PRMT3: variants seen among roughly 807,000 people sequenced by gnomAD.
The protein encoded by PRMT3 is protein arginine N-methyltransferase 3.
A neutral mutation model predicts 71.9 loss-of-function variants in PRMT3; 62 were observed. The observed-to-expected ratio is 0.86, with a 90% CI of 0.70 to 1.07. PRMT3 has a LOEUF of 1.07. Ranked by LOEUF, PRMT3 falls within the 50% of genes least tolerant of loss-of-function variation. The pLI is 0.00. For missense variants in PRMT3, 663 were observed against 643.0 expected (o/e 1.03, Z -0.34); for synonymous variants, 213 against 220.4 (o/e 0.97, Z 0.30).
intron 3 of PRMT3, 117 bp from the exon 4 acceptor site, chr11:20,392,091 AAGT>A (rs1848727425): frequency 4.5e-6 from 4 of 893,706 alleles, no homozygotes; most frequent in Non-Finnish European, 6.7e-6. Flanking sequence ...TTCAAAATAT[AAGT>A]AGTAATTTAG....
intron 13 of PRMT3, among the ~76,000 whole-genome samples, chr11:20,483,869 A>G (rs1467048790): frequency 6.6e-6 from 1 of 152,138 alleles, no homozygotes; most frequent in South Asian, 2.1e-4. Context: ...CTAATACCAT[A>G]TGTATTGTAT....
chr11:20,483,511 G>A (rs147534081), intron 13 of PRMT3, among the ~76,000 whole-genome samples: 2 of 149,244 alleles, frequency 1.3e-5, no homozygotes, highest in Non-Finnish European at 3.0e-5. Flanking sequence ...GAGAAATCTA[G>A]AGAAGCAGTG....
chr11:20,459,982 C>T (rs570914531), intron 11 of PRMT3, among the ~76,000 whole-genome samples: 1 of 152,304 alleles, frequency 6.6e-6, no homozygotes, highest in Admixed American at 6.5e-5. Flanking sequence ...ATACATCCCT[C>T]ACATGCCTAT....
At chr11:20,455,024 A>G (rs2133391395) in intron 11 of PRMT3, among the ~76,000 whole-genome samples, 1 of 152,280 alleles carries the variant, frequency 6.6e-6, no homozygotes, top group Non-Finnish European at 1.5e-5. Context: ...TTTACTAGCA[A>G]CGATTTCTAC....
At chr11:20,471,900 T>C (rs1381202114) in intron 13 of PRMT3, among the ~76,000 whole-genome samples, 1 of 152,204 alleles carries the variant, frequency 6.6e-6, no homozygotes, top group African/African-American at 2.4e-5. Flanking sequence ...GCAGTTCTCC[T>C]TGAAGAGGTC....
chr11:20,488,042 G>T (rs891946506), intron 13 of PRMT3, among the ~76,000 whole-genome samples: 2 of 151,936 alleles, frequency 1.3e-5, no homozygotes, highest in African/African-American at 2.4e-5. Flanking sequence ...ACTCAATCTG[G>T]CAGTATCTCT....
intron 2 of PRMT3, among the ~76,000 whole-genome samples, chr11:20,389,404 A>C (rs1039491257): frequency 1.3e-5 from 2 of 152,182 alleles, no homozygotes; most frequent in Non-Finnish European, 2.9e-5. Context: ...AAGAATCTCA[A>C]GTAGAGAAAT....
intron 11 of PRMT3, among the ~76,000 whole-genome samples, chr11:20,454,540 T>C (rs1850224832): frequency 6.6e-6 from 1 of 152,188 alleles, no homozygotes; most frequent in Non-Finnish European, 1.5e-5. Context: ...CCTTAAGCAG[T>C]GCTGTTGAAT....
intron 13 of PRMT3, among the ~76,000 whole-genome samples, chr11:20,481,814 TA>T (rs1850943828): frequency 6.6e-6 from 1 of 152,090 alleles, no homozygotes; most frequent in Admixed American, 6.6e-5. Context: ...TTTCCAACCC[TA>T]GAGAGTCAAG....
intron 15 of PRMT3, among the ~76,000 whole-genome samples, chr11:20,495,349 A>G (rs1000564819): frequency 3.9e-5 from 6 of 151,906 alleles, no homozygotes; most frequent in Admixed American, 6.6e-5. Context: ...GCAACATAGC[A>G]AGACCCTATC....
intron 9 of PRMT3, 96 bp downstream of exon 9, chr11:20,408,128 A>G: frequency 1.2e-6 from 1 of 848,508 alleles, no homozygotes; most frequent in Non-Finnish European, 1.7e-6. Flanking sequence ...AGGCAGACTA[A>G]AGACATTTGT....
intron 3 of PRMT3, among the ~76,000 whole-genome samples, chr11:20,391,370 C>T (rs531348661): frequency 5.9e-5 from 9 of 152,072 alleles, no homozygotes; most frequent in South Asian, 2.1e-4. Context: ...CTCAGCCTCC[C>T]AAGTAGCTGG....
At chr11:20,504,705 TGTGA>T (rs777252696) in intron 15 of PRMT3, among the ~76,000 whole-genome samples, 42 of 109,358 alleles carry the variant, frequency 3.8e-4, no homozygotes, top group South Asian at 2.7e-4. Flanking sequence ...TGTGTGTGTG[TGTGA>T]GAGAGAGAGA....
intron 9 of PRMT3, among the ~76,000 whole-genome samples, chr11:20,409,717 C>T (rs1287665938): frequency 6.7e-6 from 1 of 149,872 alleles, no homozygotes; most frequent in Admixed American, 6.6e-5. Context: ...TATAGAATTA[C>T]ACATACATAT....
intron 15 of PRMT3, among the ~76,000 whole-genome samples, chr11:20,495,402 C>T (rs1020457812): frequency 6.6e-6 from 1 of 152,078 alleles, no homozygotes; most frequent in African/African-American, 2.4e-5. Context: ...TGACAAAAGC[C>T]TGTAGTCTTA....
intron 8 of PRMT3, among the ~76,000 whole-genome samples, chr11:20,404,238 T>TTTTTTTG (rs1849021167): frequency 8.5e-6 from 1 of 117,738 alleles, no homozygotes. Context: ...TTTTTTTTTT[T>TTTTTTTG]TTTTTTTTTT....
At chr11:20,431,091 G>A in intron 10 of PRMT3, among the ~76,000 whole-genome samples, 1 of 152,056 alleles carries the variant, frequency 6.6e-6, no homozygotes, top group East Asian at 1.9e-4. Context: ...GCATAACTTT[G>A]CAAACACATA....
At chr11:20,430,047 G>A (rs765879095) in intron 10 of PRMT3, among the ~76,000 whole-genome samples, 2 of 152,102 alleles carry the variant, frequency 1.3e-5, no homozygotes, top group Non-Finnish European at 2.9e-5. Context: ...AGGCGCATTG[G>A]CTGAAACAGT....
chr11:20,452,990 T>A (rs78655265), intron 11 of PRMT3, among the ~76,000 whole-genome samples: 1 of 152,330 alleles, frequency 6.6e-6, no homozygotes, highest in African/African-American at 2.4e-5. Flanking sequence ...ATGTTCCTCC[T>A]TCACTTACCT....
Sources: allele counts gnomAD v4.1 joint callset (sites outside exome capture counted in the v4.1 genomes callset), GRCh38; gene constraint gnomAD v4.1.1; transcripts MANE v1.5; gene names NCBI Gene and HGNC (gene_info 2026-07-23, HGNC 2026-07-21).